The following SLC4A10 variants were observed in gnomAD, a reference collection of about 807,000 sequenced individuals.
The protein encoded by SLC4A10 is sodium-driven chloride bicarbonate exchanger.
Under a neutral mutation model 137.7 loss-of-function variants are expected in SLC4A10, and 42 were observed. The observed-to-expected ratio is 0.30, with a 90% CI of 0.24 to 0.39. The LOEUF (loss-of-function observed/expected upper bound fraction) is 0.39. Among genes scored for constraint, SLC4A10 ranks in the 10% least tolerant of loss-of-function variants. SLC4A10 has a pLI of 1.00. For missense variants in SLC4A10, 925 were observed against 1,355.0 expected (o/e 0.68, Z 4.98); for synonymous variants, 474 against 464.1 (o/e 1.02, Z -0.27).
chr2:161,918,876 C>T (rs554076121), intron 15 of SLC4A10, among the ~76,000 whole-genome samples: 13 of 152,262 alleles, frequency 8.5e-5, no homozygotes, highest in African/African-American at 1.7e-4. Flanking sequence ...GTGGAAGCCC[C>T]GCGCCTTCTG....
intron 1 of SLC4A10, among the ~76,000 whole-genome samples, chr2:161,653,564 T>C (rs1288177163): frequency 2.0e-5 from 3 of 152,358 alleles, no homozygotes; most frequent in Admixed American, 1.3e-4. Flanking sequence ...TGGTATTTCA[T>C]TGAACCACTG....
chr2:161,844,889 T>C (rs998064684), intron 4 of SLC4A10, among the ~76,000 whole-genome samples: 5 of 152,222 alleles, frequency 3.3e-5, no homozygotes, highest in African/African-American at 1.2e-4. Context: ...AATAATCTTC[T>C]CAGGGTTTAA....
chr2:161,643,762 T>C (rs973593385), intron 1 of SLC4A10, among the ~76,000 whole-genome samples: 1 of 152,210 alleles, frequency 6.6e-6, no homozygotes, highest in Non-Finnish European at 1.5e-5. Flanking sequence ...TTATTTGCAT[T>C]CTTTTCTATC....
In SLC4A10 at chr2:161,950,688, C is replaced by A; in HGVS notation, c.2381C>A (p.Pro794His). 1 of 1,581,788 alleles carries A rather than the reference C, an allele frequency of 6.3e-7. No individual in the cohort carries two copies. Residue 794 changes from proline to histidine, a missense_variant and splice_region_variant, in exon 19 of 27, where the codon CCC becomes CAC. Physicochemically the swap from Pro to His is moderately conservative, Grantham distance 77 (BLOSUM62 -2). Transcript: ENST00000446997. ...ATGCACATTCTTTACTTTATACAGCCCACTAGAGATGATCGTGGCTGGTTT... is the reference window on the plus strand; with the variant it reads ...ATGCACATTCTTTACTTTATACAGCACACTAGAGATGATCGTGGCTGGTTT... Reference protein sequence around the residue: ...PKLQVPSVFKPTRDDRGWFVT... With the variant: ...PKLQVPSVFKHTRDDRGWFVT...
chr2:161,726,034 T>C (rs1430382839), intron 1 of SLC4A10, among the ~76,000 whole-genome samples: 2 of 152,194 alleles, frequency 1.3e-5, no homozygotes, highest in African/African-American at 4.8e-5. Context: ...CTAGTACAGA[T>C]TCTGGCACAT....
intron 21 of SLC4A10, among the ~76,000 whole-genome samples, chr2:161,961,770 G>C (rs1297261039): frequency 1.3e-5 from 2 of 152,036 alleles, no homozygotes; most frequent in African/African-American, 2.4e-5. Context: ...TCAAGTTTTG[G>C]AATTATTTGG....
chr2:161,776,279 G>A (rs1310528171), intron 2 of SLC4A10, among the ~76,000 whole-genome samples: 1 of 151,794 alleles, frequency 6.6e-6, no homozygotes, highest in African/African-American at 2.4e-5. Context: ...AATGTTAAGT[G>A]TATTCACATT....
chr2:161,779,657 TA>T (rs34909444), intron 2 of SLC4A10, among the ~76,000 whole-genome samples: 1 of 151,932 alleles, frequency 6.6e-6, no homozygotes, highest in South Asian at 2.1e-4. Flanking sequence ...AGAAAAAAAG[TA>T]AAAAATTAGG....
chr2:161,669,002 C>G (rs2039398668), intron 1 of SLC4A10, among the ~76,000 whole-genome samples: 1 of 151,844 alleles, frequency 6.6e-6, no homozygotes, highest in African/African-American at 2.4e-5. Flanking sequence ...TGTAGAAGGT[C>G]TTTTCCCTCT....
At chr2:161,893,827 A>G (rs1009955709) in intron 10 of SLC4A10, among the ~76,000 whole-genome samples, 3 of 152,008 alleles carry the variant, frequency 2.0e-5, no homozygotes, top group Non-Finnish European at 2.9e-5. Flanking sequence ...AGATATTATA[A>G]TAATCTAGAA....
chr2:161,682,778 C>G (rs1186433341), intron 1 of SLC4A10, among the ~76,000 whole-genome samples: 1 of 152,078 alleles, frequency 6.6e-6, no homozygotes, highest in Non-Finnish European at 1.5e-5. Context: ...ATCTCTCCCC[C>G]TCTGCCTGGT....
intron 23 of SLC4A10, among the ~76,000 whole-genome samples, chr2:161,969,388 A>T (rs1220662928): frequency 9.2e-5 from 14 of 152,218 alleles, no homozygotes; most frequent in Non-Finnish European, 2.1e-4. Flanking sequence ...CAGGGTAGAA[A>T]TGAATATTGG....
At chr2:161,954,611 G>A (rs1445505136) in intron 19 of SLC4A10, among the ~76,000 whole-genome samples, 5 of 152,150 alleles carry the variant, frequency 3.3e-5, no homozygotes, top group African/African-American at 9.7e-5. Context: ...TAAATGAAAG[G>A]CAAGAAGGAT....
chr2:161,897,054 A>T (rs1350524978), intron 11 of SLC4A10, among the ~76,000 whole-genome samples: 1 of 152,058 alleles, frequency 6.6e-6, no homozygotes, highest in Non-Finnish European at 1.5e-5. Flanking sequence ...ACTGCTAATC[A>T]CAGGAAATAT....
chr2:161,911,535 T>C (rs371417013), intron 15 of SLC4A10, among the ~76,000 whole-genome samples: 3 of 152,072 alleles, frequency 2.0e-5, no homozygotes, highest in East Asian at 3.8e-4. Context: ...GAACTATCTG[T>C]TTCAACCTTT....
At chr2:161,872,175 A>G (rs2125924447) in intron 6 of SLC4A10, 118 bp from the exon 7 acceptor site, 1 of 580,206 alleles carries the variant, frequency 1.7e-6, no homozygotes, top group Non-Finnish European at 3.0e-6. Context: ...CTTCATTCTT[A>G]CATCATAAAT....
chr2:161,910,489 G>C (rs913190695), intron 15 of SLC4A10, among the ~76,000 whole-genome samples: 1 of 152,042 alleles, frequency 6.6e-6, no homozygotes, highest in Non-Finnish European at 1.5e-5. Context: ...TGTTTTGCTT[G>C]TATAAGATGA....
rs114660156 is a variant in SLC4A10 at position 161,795,823 on chromosome 2, T to A, written c.131-8626T>A. On this transcript the variant is annotated intron_variant, in intron 2 of 26. Transcript: ENST00000446997. ...AGCATAGTAGATGGTACATTGTAGATTTTCTATAAAGGCTAGTTTCTTTTT... is the reference window on the plus strand; with the variant it reads ...AGCATAGTAGATGGTACATTGTAGAATTTCTATAAAGGCTAGTTTCTTTTT... Among the ~76,000 whole-genome samples, 674 of 152,262 alleles carry A rather than the reference T, an allele frequency of 4.4e-3. 5 individuals are homozygous for A. The highest frequency in any genetic ancestry group is 0.016 in the African/African-American group (645 of 41,566).
intron 19 of SLC4A10, among the ~76,000 whole-genome samples, chr2:161,951,515 G>A (rs767072487): frequency 6.6e-6 from 1 of 152,070 alleles, no homozygotes; most frequent in Non-Finnish European, 1.5e-5. Flanking sequence ...CTTACTTACA[G>A]GAATATGTTA....
Sources: allele counts gnomAD v4.1 joint callset (sites outside exome capture counted in the v4.1 genomes callset), GRCh38; gene constraint gnomAD v4.1.1; transcripts MANE v1.5; gene names NCBI Gene and HGNC (gene_info 2026-07-23, HGNC 2026-07-21).